Variants in SIX4 observed in about 807,000 individuals in gnomAD.
SIX4 encodes SIX homeobox 4, also known as homeobox protein SIX4.
Under a neutral mutation model 51.5 loss-of-function variants are expected in SIX4, and 23 were observed. That is an observed-to-expected ratio of 0.45 (90% CI 0.32 to 0.63). The LOEUF (loss-of-function observed/expected upper bound fraction) is 0.63. SIX4 is among the 30% of genes least tolerant of loss of function. The pLI is 0.04. For missense variants in SIX4, 867 were observed against 984.0 expected, an observed-to-expected ratio of 0.88 and a Z score of 1.59; for synonymous variants, 413 against 417.3, an observed-to-expected ratio of 0.99 and a Z score of 0.13.
chr14:60,720,077 A>T lies in SIX4; in HGVS notation c.1232T>A (p.Leu411Gln). 6.2e-7 allele frequency: 1 copy of T among 1,614,252 alleles called. No homozygotes were observed. The highest frequency in any genetic ancestry group is 8.5e-7 in the Non-Finnish European group (1 of 1,180,044). ...VSNGISMTDI[L>Q]GSTSQDVKEF... ...CTTCACGTCCTGGGAAGTAGACCCC[A>T]GTATGTCAGTCATGGATATACCATT... Residue 411 changes from leucine (L) to glutamine (Q), a missense_variant, in exon 2 of 3, where the codon CTG (leucine) becomes CAG (glutamine). By Grantham distance (113) the Leu-to-Gln change is moderately radical. Coordinates refer to ENST00000216513, the MANE Select transcript of SIX4 (RefSeq NM_017420.5). The surrounding 1 kb of genome is among the most constrained non-coding windows in gnomAD (Gnocchi z 5.5).
At position 60,715,135 on chromosome 14, in the gene SIX4, G is replaced by GA. The variant is rs758765269; in HGVS notation, c.1550-933dup. 6.1e-4 allele frequency among the ~76,000 whole-genome samples: 88 copies of GA among 145,244 alleles called. No individual in the cohort carries two copies. The East Asian group carries it at 7.1e-3, about 12-fold the overall frequency. ...GAACTACTAGTTAGAAGCCAAGTGTGAAAAAAAAAAAATCTTTTCCAAGTT... is the reference window on the plus strand; with the variant it reads ...GAACTACTAGTTAGAAGCCAAGTGTGAAAAAAAAAAAAATCTTTTCCAAGTT... On this transcript the variant is annotated intron_variant, in intron 2 of 2. Coordinates refer to ENST00000216513, the MANE Select transcript of SIX4 (RefSeq NM_017420.5).
In SIX4 at chr14:60,722,784, C is replaced by T. The variant is rs971461851; in HGVS notation, c.863+428G>A. On this transcript the variant is annotated intron_variant, in intron 1 of 2. Transcript: ENST00000216513. The surrounding 1 kb of genome is among the most constrained non-coding windows in gnomAD (Gnocchi z 5.9). Reference sequence around the variant, plus strand: ...GTGTGACCTCGCGGAGGTGCAGACCCCGGCCGGCGCCGGCAGTCTCTGCGG... The same window carrying T: ...GTGTGACCTCGCGGAGGTGCAGACCTCGGCCGGCGCCGGCAGTCTCTGCGG... 6.6e-6 allele frequency among the ~76,000 whole-genome samples: 1 copy of T among 152,030 alleles called. No homozygotes were observed. The highest frequency in any genetic ancestry group is 2.4e-5 in the African/African-American group (1 of 41,414).
At chr14:60,716,311 G>A (rs1477090728) in intron 2 of SIX4, among the ~76,000 whole-genome samples, 1 of 151,814 alleles carries the variant, frequency 6.6e-6, no homozygotes, top group Non-Finnish European at 1.5e-5. Context: ...GGAGTGCGGT[G>A]GTGCAATCTT....
rs1895979241 is a variant in SIX4, at chr14:60,719,434, C to T, written c.1549+326G>A. On this transcript the variant is annotated intron_variant, in intron 2 of 2. Transcript: ENST00000216513. This position sits in a 1 kb window ranked among gnomAD's most constrained non-coding sequence, Gnocchi z 4.9. ...TTTATTAATTTTTAATATTAAAATG[C>T]CAAGCAGTGAGTTATTTTGTAAGCA... is the stretch of plus-strand genomic sequence containing the variant. 6.6e-6 allele frequency among the ~76,000 whole-genome samples: 1 copy of T among 152,114 alleles called. No homozygotes were observed. Among genetic ancestry groups the T allele is most frequent in the Non-Finnish European group, 1.5e-5 (1 of 68,018 alleles).
rs1252839196 is a variant in SIX4 at position 60,713,654 on chromosome 14, G to A, written c.2099C>T (p.Ser700Phe). ...GACAAAATCCTGATGTACTGCTGGG[G>A]AGGGGTGACCTACCTGATCTTCAGC... ...PTAEDQVGHP[S>F]PAVHQDFVQE... Residue 700 changes from serine (S) to phenylalanine (F), a missense_variant, in exon 3 of 3, where the codon TCC (serine) becomes TTC (phenylalanine). Coordinates refer to ENST00000216513, the MANE Select transcript of SIX4 (RefSeq NM_017420.5). 6.2e-7 allele frequency: 1 copy of A among 1,614,228 alleles called. No homozygotes were observed. Among genetic ancestry groups the A allele is most frequent in the Non-Finnish European group, 8.5e-7 (1 of 1,180,040 alleles).
rs779492299 is a variant in SIX4 at position 60,713,797 on chromosome 14, A to G, written c.1956T>C (p.Thr652=). 6 of 1,614,050 alleles carry G rather than the reference A, an allele frequency of 3.7e-6. 1 individual carries two copies. The South Asian group carries it at 6.6e-5, about 18-fold the overall frequency. Residue 652 remains threonine (T), a synonymous_variant, in exon 3 of 3, where the codon ACT becomes ACC. Coordinates refer to ENST00000216513, the MANE Select transcript of SIX4 (RefSeq NM_017420.5). ...PMSAPVASKS[T]VTSVSNTNYA... ...AGTTAGTGTTGCTGACAGATGTCACAGTAGATTTGCTTGCCACCGGTGCAG... is the reference window on the plus strand; with the variant it reads ...AGTTAGTGTTGCTGACAGATGTCACGGTAGATTTGCTTGCCACCGGTGCAG...
At position 60,724,196 on chromosome 14, in the gene SIX4, C is replaced by T; in HGVS notation, c.-122G>A. The T allele has an allele frequency of 1.3e-6, 2 of 1,573,334 alleles. No individual in the cohort carries two copies. Among genetic ancestry groups the T allele is most frequent in the Non-Finnish European group, 1.7e-6 (2 of 1,165,828 alleles). ...CTCTCCCCCTCCGGAAAGCCCACTC[C>T]CTCCCTCCTGGTTTCGGCTGTATCT... On this transcript the variant is annotated 5_prime_UTR_variant, in exon 1 of 3. Coordinates refer to ENST00000216513, the MANE Select transcript of SIX4 (RefSeq NM_017420.5).
At chr14:60,715,018 T>C (rs898400142) in intron 2 of SIX4, among the ~76,000 whole-genome samples, 2 of 150,896 alleles carry the variant, frequency 1.3e-5, no homozygotes, top group Non-Finnish European at 2.9e-5. Flanking sequence ...CATGTGCGCA[T>C]GTTTGTTACA....
At position 60,713,693 on chromosome 14, in the gene SIX4, T is replaced by C; in HGVS notation, c.2060A>G (p.Glu687Gly). ...SVPMTQAALG[E>G]IVPTAEDQVG... is the part of the protein sequence containing the mutation. ...CTGATCTTCAGCTGTAGGAACTATT[T>C]CCCCAAGGGCAGCCTGAGTCATAGG... is the stretch of plus-strand genomic sequence containing the variant. Residue 687 changes from glutamate to glycine, a missense_variant, in exon 3 of 3, where the codon GAA becomes GGA. Glu to Gly is a moderately conservative substitution (Grantham distance 98, BLOSUM62 -2). Transcript: ENST00000216513. The C allele has an allele frequency of 1.2e-6, 2 of 1,614,190 alleles. No individual in the cohort carries two copies. The highest frequency in any genetic ancestry group is 1.7e-6 in the Non-Finnish European group (2 of 1,180,030).
Position 60,723,513 on chromosome 14 carries a change from T to TGTAC in SIX4, c.558_561dup (p.Lys188ValfsTer103). The stretch of plus-strand genomic sequence containing the variant: ...CGCTCGGCCTCGGTGTAGCGCGCCT[T>TGTAC]GTACCAGAGCTGCTGCAGCAGCGGG... On this transcript the variant is annotated frameshift_variant, in exon 1 of 3. Transcript: ENST00000216513. LOFTEE classifies it high-confidence loss of function. 1.9e-6 allele frequency: 3 copies of TGTAC among 1,606,736 alleles called. No homozygotes were observed. The highest frequency in any genetic ancestry group is 2.5e-6 in the Non-Finnish European group (3 of 1,179,458).
chr14:60,714,734 C>T (rs1014778147), intron 2 of SIX4, among the ~76,000 whole-genome samples: 6 of 150,714 alleles, frequency 4.0e-5, no homozygotes, highest in Non-Finnish European at 5.9e-5. Context: ...GGAGCGATCT[C>T]GGCTCATTGC....
chr14:60,722,347 C>T lies in SIX4; in HGVS notation c.863+865G>A, dbSNP rs1400333200. Among the ~76,000 whole-genome samples the T allele has an allele frequency of 6.6e-6, 1 of 152,060 alleles. No homozygotes were observed. Among genetic ancestry groups the T allele is most frequent in the Non-Finnish European group, 1.5e-5 (1 of 68,018 alleles). ...GCTCAAACCCAGTGGGGTGGGAGCGCCCCCACTCCTTTGCTGCCGCCCGCC... is the reference window on the plus strand; with the variant it reads ...GCTCAAACCCAGTGGGGTGGGAGCGTCCCCACTCCTTTGCTGCCGCCCGCC... On this transcript the variant is annotated intron_variant, in intron 1 of 2. Transcript: ENST00000216513. The surrounding 1 kb of genome is among the most constrained non-coding windows in gnomAD (Gnocchi z 5.9).
At position 60,710,095 on chromosome 14, in the gene SIX4, T is replaced by G. The variant is rs1895795653; in HGVS notation, c.*3312A>C. On this transcript the variant is annotated 3_prime_UTR_variant, in exon 3 of 3. Transcript: ENST00000216513. ...TATGAGATGATCTGTCAAAACATTT[T>G]AAAGAATGAAGAACTTGTGGCTATG... is the stretch of plus-strand genomic sequence containing the variant. 6.6e-6 allele frequency: 1 copy of G among 152,632 alleles called. No homozygotes were observed. Among genetic ancestry groups the G allele is most frequent in the Non-Finnish European group, 1.5e-5 (1 of 68,046 alleles). 9.5% of individuals were successfully genotyped at this position (152,632 alleles called of 1,614,324 possible). A position where few individuals can be genotyped will look rare whatever the true frequency, so the allele number is the denominator to read the frequency against.
chr14:60,720,952 G>A lies in SIX4; in HGVS notation c.864-507C>T. 1 of 987,326 alleles carries A rather than the reference G, an allele frequency of 1.0e-6. No individual in the cohort carries two copies. Among genetic ancestry groups the A allele is most frequent in the East Asian group, 1.1e-4 (1 of 8,848 alleles). The allele number at this position is 987,326 out of a possible 1,614,324, so 61.2% of individuals were successfully genotyped here. ...GTGCTCAGCTTTTCTTTTTTGGTCA[G>A]TTAGTTAACAAGAGATCGTTTTCTC... is the stretch of plus-strand genomic sequence containing the variant. On this transcript the variant is annotated intron_variant, in intron 1 of 2. Transcript: ENST00000216513. The surrounding 1 kb of genome is among the most constrained non-coding windows in gnomAD (Gnocchi z 5.5).
intron 1 of SIX4, 199 bp downstream of exon 1, chr14:60,723,013 G>C: frequency 8.1e-7 from 1 of 1,239,258 alleles, no homozygotes; most frequent in Non-Finnish European, 1.1e-6. Context: ...AGGGTAAGGA[G>C]GGAGGTTCCC....
Position 60,723,282 on chromosome 14 carries a change from T to C in SIX4, c.793A>G (p.Thr265Ala). 12 of 1,610,580 alleles carry C rather than the reference T, an allele frequency of 7.5e-6. No individual in the cohort carries two copies. The highest frequency in any genetic ancestry group is 1.0e-5 in the Non-Finnish European group (12 of 1,179,234). Residue 265 changes from threonine (T) to alanine (A), a missense_variant, in exon 1 of 3, where the codon ACC (threonine) becomes GCC (alanine). Physicochemically the swap from Thr to Ala is moderately conservative, Grantham distance 58 (BLOSUM62 0). Transcript: ENST00000216513. ...TTCTTGAACCAGTTGCTGACCTGGG[T>C]GAGGGAGAGGCCGGTGATCTTGGCC... ...HLAKITGLSL[T>A]QVSNWFKNRR...
At chr14:60,718,636 C>T (rs1389165366) in intron 2 of SIX4, among the ~76,000 whole-genome samples, 1 of 152,154 alleles carries the variant, frequency 6.6e-6, no homozygotes, top group Non-Finnish European at 1.5e-5. Flanking sequence ...TAACTCTTTC[C>T]ATAACTTGGA....
Position 60,720,075 on chromosome 14 carries a change from C to G in SIX4, c.1234G>C (p.Gly412Arg), listed in dbSNP as rs758435860. ...TCCTTCACGTCCTGGGAAGTAGACC[C>G]CAGTATGTCAGTCATGGATATACCA... ...SNGISMTDIL[G>R]STSQDVKEFK... Residue 412 changes from glycine (G) to arginine (R), a missense_variant, in exon 2 of 3, where the codon GGG becomes CGG. By Grantham distance (125) the Gly-to-Arg change is moderately radical. Coordinates refer to ENST00000216513, the MANE Select transcript of SIX4 (RefSeq NM_017420.5). This position sits in a 1 kb window ranked among gnomAD's most constrained non-coding sequence, Gnocchi z 5.5. The G allele has an allele frequency of 4.3e-6, 7 of 1,614,158 alleles. No individual in the cohort carries two copies. The highest frequency in any genetic ancestry group is 5.9e-6 in the Non-Finnish European group (7 of 1,180,022).
chr14:60,719,716 G>GAACA lies in SIX4; in HGVS notation c.1549+40_1549+43dup. On this transcript the variant is annotated intron_variant, in intron 2 of 2. Coordinates refer to ENST00000216513, the MANE Select transcript of SIX4 (RefSeq NM_017420.5). This position sits in a 1 kb window ranked among gnomAD's most constrained non-coding sequence, Gnocchi z 4.9. The stretch of plus-strand genomic sequence containing the variant: ...AAATGCGTCACTTACAGCAGCTGAT[G>GAACA]AACACATTTGCTGGTGCATTAAGGT... 3.8e-6 allele frequency: 6 copies of GAACA among 1,569,650 alleles called. No homozygotes were observed. The highest frequency in any genetic ancestry group is 5.2e-6 in the Non-Finnish European group (6 of 1,148,960).
Sources: gnomAD v4.1 joint callset for allele counts (sites outside exome capture counted in the v4.1 genomes callset) on GRCh38, gnomAD v4.1.1 for gene constraint, Gnocchi (gnomAD v3.1) non-coding constraint, MANE v1.5 for transcripts, NCBI Gene and HGNC (gene_info 2026-07-23, HGNC 2026-07-21) for gene names.